The following CREB1 variants were observed in gnomAD, a reference collection of about 807,000 sequenced individuals.
CREB1 encodes the protein cAMP responsive element binding protein 1.
A neutral mutation model predicts 42.0 loss-of-function variants in CREB1; 2 were observed. The ratio of observed to expected loss-of-function variants is 0.05; its 90% CI spans 0.02 to 0.15. CREB1 has a LOEUF of 0.15. Ranked by LOEUF, CREB1 falls within the 10% of genes least tolerant of loss-of-function variation. The probability of loss-of-function intolerance (pLI) is 1.00; values close to 1 mark genes in which losing one functional copy is unlikely to be tolerated. For missense variants in CREB1, 199 were observed against 388.9 expected, an observed-to-expected ratio of 0.51 and a Z score of 4.11; for synonymous variants, 123 against 139.9, an observed-to-expected ratio of 0.88 and a Z score of 0.85.
intron 7 of CREB1, chr2:207,580,768 C>T (rs768808374): frequency 1.8e-4 from 40 of 224,868 alleles, no homozygotes; most frequent in Non-Finnish European, 2.8e-4. Context: ...AAAATTTCTT[C>T]CTCACTTCTG....
chr2:207,567,204 C>T (rs780132046), intron 3 of CREB1, among the ~76,000 whole-genome samples: 9 of 151,706 alleles, frequency 5.9e-5, no homozygotes, highest in Non-Finnish European at 1.2e-4. Context: ...ATAAGTAATA[C>T]TGATGCATTC....
At chr2:207,577,478 T>A in intron 6 of CREB1, 27 bp from the exon 7 acceptor site, 1 of 1,612,490 alleles carries the variant, frequency 6.2e-7, no homozygotes, top group Non-Finnish European at 8.5e-7. Context: ...TGTTTCTGTC[T>A]TACACCATGC....
chr2:207,596,028 G>A (rs114150406), intron 7 of CREB1, among the ~76,000 whole-genome samples: 2,103 of 152,208 alleles, frequency 0.014, 31 homozygotes, highest in African/African-American at 0.035. Flanking sequence ...TCTGCTTTTG[G>A]TGTTGTATTT....
intron 1 of CREB1, among the ~76,000 whole-genome samples, chr2:207,532,119 T>A (rs1409697820): frequency 7.1e-6 from 1 of 140,660 alleles, no homozygotes; most frequent in Admixed American, 7.2e-5. Context: ...ACTTGGGGGG[T>A]CGAGGCGGGC....
intron 3 of CREB1, among the ~76,000 whole-genome samples, chr2:207,563,672 C>T (rs1475331184): frequency 6.6e-6 from 1 of 152,082 alleles, no homozygotes; most frequent in Non-Finnish European, 1.5e-5. Flanking sequence ...GGTCAGACTC[C>T]GTGGCTCATT....
rs1575086093 is a variant in CREB1, at chr2:207,604,966, A to G, written c.*7908A>G. Reference sequence around the variant, plus strand: ...GTATGCCATTGTAGATATATACCACAAGTTTATCGATTCATCCAGTTGAGT... The same window carrying G: ...GTATGCCATTGTAGATATATACCACGAGTTTATCGATTCATCCAGTTGAGT... On this transcript the variant is annotated 3_prime_UTR_variant, in exon 8 of 8. Coordinates refer to ENST00000353267, the MANE Select transcript of CREB1 (RefSeq NM_004379.5). Among the ~76,000 whole-genome samples, 1 of 152,310 alleles carries G rather than the reference A, an allele frequency of 6.6e-6. No individual in the cohort carries two copies. The highest frequency in any genetic ancestry group is 6.5e-5 in the Admixed American group (1 of 15,298).
chr2:207,541,638 G>A (rs1009233510), intron 1 of CREB1, among the ~76,000 whole-genome samples: 39 of 152,132 alleles, frequency 2.6e-4, no homozygotes, highest in African/African-American at 9.4e-4. Context: ...GACTGTATAT[G>A]TATTACAGTT....
At chr2:207,547,966 A>T (rs1363939419) in intron 1 of CREB1, among the ~76,000 whole-genome samples, 2 of 151,488 alleles carry the variant, frequency 1.3e-5, no homozygotes, top group East Asian at 3.9e-4. Context: ...AGTCTCATTC[A>T]CCGTGTCACC....
At position 207,597,992 on chromosome 2, in the gene CREB1, T is replaced by A. The variant is rs2086447812; in HGVS notation, c.*934T>A. On this transcript the variant is annotated 3_prime_UTR_variant, in exon 8 of 8. Transcript: ENST00000353267. ...TGTCACTCATTTACGTAAAAAGATA[T>A]TTCTAATTTACTGTTGCCCATTGCA... 5.5e-6 allele frequency: 1 copy of A among 183,254 alleles called. No homozygotes were observed. The highest frequency in any genetic ancestry group is 2.3e-5 in the African/African-American group (1 of 42,556). 11.4% of individuals were successfully genotyped at this position (183,254 alleles called of 1,614,324 possible).
chr2:207,582,188 G>A (rs1385601137), intron 7 of CREB1: 1 of 702,862 alleles, frequency 1.4e-6, no homozygotes, highest in Non-Finnish European at 2.6e-6. Flanking sequence ...AAAGAAATTT[G>A]TGGTCATATG....
Position 207,603,419 on chromosome 2 carries a change from C to T in CREB1, c.*6361C>T. ...ATTTATGTGCAGTCACATAAACATGCTTTTAAAAACTCTGTAAGTCTCTTT... is the reference window on the plus strand; with the variant it reads ...ATTTATGTGCAGTCACATAAACATGTTTTTAAAAACTCTGTAAGTCTCTTT... On this transcript the variant is annotated 3_prime_UTR_variant, in exon 8 of 8. Transcript: ENST00000353267. 4.5e-6 allele frequency: 1 copy of T among 224,442 alleles called. No individual in the cohort carries two copies. Among genetic ancestry groups the T allele is most frequent in the East Asian group, 6.5e-5 (1 of 15,448 alleles). 13.9% of individuals were successfully genotyped at this position (224,442 alleles called of 1,614,324 possible).
At chr2:207,591,189 C>T (rs1484654104) in intron 7 of CREB1, among the ~76,000 whole-genome samples, 2 of 152,168 alleles carry the variant, frequency 1.3e-5, no homozygotes, top group Non-Finnish European at 2.9e-5. Context: ...TGAGACTCTA[C>T]TTAGTCTATC....
At chr2:207,530,928 C>T (rs2080591624) in intron 1 of CREB1, among the ~76,000 whole-genome samples, 1 of 150,546 alleles carries the variant, frequency 6.6e-6, no homozygotes, top group Admixed American at 6.6e-5. Context: ...GAGATGAGAG[C>T]TTGTGCTTTT....
At chr2:207,549,024 G>C (rs2106413528) in intron 1 of CREB1, among the ~76,000 whole-genome samples, 1 of 152,286 alleles carries the variant, frequency 6.6e-6, no homozygotes, top group East Asian at 1.9e-4. Flanking sequence ...GTTAAAAGCA[G>C]AAAGACCTTG....
chr2:207,572,243 AGAG>A (rs1271280619), intron 5 of CREB1, among the ~76,000 whole-genome samples: 40 of 146,888 alleles, frequency 2.7e-4, no homozygotes, highest in Non-Finnish European at 4.6e-4. Context: ...AAAAAAAAAA[AGAG>A]AGATTAATAC....
chr2:207,599,166 G>C lies in CREB1; in HGVS notation c.*2108G>C. On this transcript the variant is annotated 3_prime_UTR_variant, in exon 8 of 8. Coordinates refer to ENST00000353267, the MANE Select transcript of CREB1 (RefSeq NM_004379.5). ...GGACAGTTCACCAGATTCTCAAGAA[G>C]GCTTTCAAACAACTATAAAGTTTGA... 1 of 196,462 alleles carries C rather than the reference G, an allele frequency of 5.1e-6. No individual in the cohort carries two copies. Among genetic ancestry groups the C allele is most frequent in the Middle Eastern group, 1.8e-3 (1 of 568 alleles). The allele number at this position is 196,462 out of a possible 1,614,324, so 12.2% of individuals were successfully genotyped here.
rs186674205 is a variant in CREB1 at position 207,595,073 on chromosome 2, G to C, written c.840-1841G>C. On this transcript the variant is annotated intron_variant, in intron 7 of 7. Coordinates refer to ENST00000353267, the MANE Select transcript of CREB1 (RefSeq NM_004379.5). ...TGCCGTGGTGCAATCTCGGCTTACT[G>C]CAACCTCTGCCTCCCGGGTTTAAGT... is the stretch of plus-strand genomic sequence containing the variant. Among the ~76,000 whole-genome samples the C allele has an allele frequency of 4.8e-5, 7 of 144,722 alleles. No individual in the cohort carries two copies. In the East Asian group the frequency reaches 1.4e-3, roughly 30 times the overall value. 94.9% of individuals were successfully genotyped at this position (144,722 alleles called of 152,430 possible). A position where few individuals can be genotyped will look rare whatever the true frequency, so the allele number is the denominator to read the frequency against.
At chr2:207,574,464 AG>A (rs998277094) in intron 5 of CREB1, among the ~76,000 whole-genome samples, 3 of 152,212 alleles carry the variant, frequency 2.0e-5, no homozygotes, top group Admixed American at 6.5e-5. Context: ...TGTAGCATAA[AG>A]GTGATTTAGT....
intron 1 of CREB1, among the ~76,000 whole-genome samples, chr2:207,545,171 C>G (rs954544766): frequency 1.3e-5 from 2 of 152,130 alleles, no homozygotes; most frequent in Non-Finnish European, 2.9e-5. Context: ...ACTAACACCA[C>G]CAACAATGTA....
Sources: allele counts gnomAD v4.1 joint callset (sites outside exome capture counted in the v4.1 genomes callset), GRCh38; gene constraint gnomAD v4.1.1; transcripts MANE v1.5; gene names NCBI Gene and HGNC (gene_info 2026-07-23, HGNC 2026-07-21).